The following MAP3K9 variants were observed in gnomAD, a reference collection of about 807,000 sequenced individuals.
MAP3K9 encodes mitogen-activated protein kinase kinase kinase 9, also known as mixed lineage kinase 1 (tyr and ser/thr specificity).
In MAP3K9, 46 loss-of-function variants were observed where a neutral mutation model predicts 95.8. The observed-to-expected ratio is 0.48, with a 90% CI of 0.38 to 0.61. The LOEUF is 0.61. MAP3K9 is among the 20% of genes least tolerant of loss of function. MAP3K9 has a pLI of 0.00. For missense variants in MAP3K9, 1,296 were observed against 1,474.3 expected, an observed-to-expected ratio of 0.88 and a Z score of 1.98; for synonymous variants, 533 against 593.8, an observed-to-expected ratio of 0.90 and a Z score of 1.49.
chr14:70,758,951 A>T (rs2054333610), intron 3 of MAP3K9, among the ~76,000 whole-genome samples: 1 of 152,176 alleles, frequency 6.6e-6, no homozygotes, highest in African/African-American at 2.4e-5. Context: ...AACATGGATG[A>T]ATCTTGAAAA....
intron 2 of MAP3K9, among the ~76,000 whole-genome samples, chr14:70,781,081 G>C (rs1000263497): frequency 6.6e-6 from 1 of 152,224 alleles, no homozygotes; most frequent in Non-Finnish European, 1.5e-5. Context: ...TTCCCACTGA[G>C]AGGTGGGTCT....
chr14:70,745,734 T>C (rs2054137941), intron 5 of MAP3K9, among the ~76,000 whole-genome samples: 1 of 149,070 alleles, frequency 6.7e-6, no homozygotes, highest in South Asian at 2.1e-4. Flanking sequence ...CAAGACTCTG[T>C]CTCAAAAAAA....
intron 2 of MAP3K9, among the ~76,000 whole-genome samples, chr14:70,793,452 C>CAA (rs1252417743): frequency 6.6e-6 from 1 of 151,970 alleles, no homozygotes; most frequent in Non-Finnish European, 1.5e-5. Context: ...TTTGGGAGAC[C>CAA]AAAGCAGGTG....
At position 70,729,090 on chromosome 14, in the gene MAP3K9, A is replaced by T. The variant is rs1409912365; in HGVS notation, c.*1290T>A. ...ATCCTTCCTACTCAGCTCATGGTCCAGAGCCCAGCATGAGGGGCTACCTGT... is the reference window on the plus strand; with the variant it reads ...ATCCTTCCTACTCAGCTCATGGTCCTGAGCCCAGCATGAGGGGCTACCTGT... On this transcript the variant is annotated 3_prime_UTR_variant, in exon 12 of 12. Coordinates refer to ENST00000554752, the MANE Select transcript of MAP3K9 (RefSeq NM_001284230.2). The T allele has an allele frequency of 6.6e-6, 1 of 152,288 alleles. No individual in the cohort carries two copies. The highest frequency in any genetic ancestry group is 2.4e-5 in the African/African-American group (1 of 41,468). The allele number at this position is 152,288 out of a possible 1,614,324, so 9.4% of individuals were successfully genotyped here. A position where few individuals can be genotyped will look rare whatever the true frequency, so the allele number is the denominator to read the frequency against.
chr14:70,739,216 G>A (rs1308299591), intron 7 of MAP3K9, among the ~76,000 whole-genome samples: 6 of 152,206 alleles, frequency 3.9e-5, no homozygotes, highest in South Asian at 2.1e-4. Context: ...TGCAACCTCC[G>A]CCTCCTGCAT....
At chr14:70,797,779 A>G (rs990146295) in intron 2 of MAP3K9, among the ~76,000 whole-genome samples, 6 of 152,298 alleles carry the variant, frequency 3.9e-5, no homozygotes, top group East Asian at 3.9e-4. Context: ...TCATGTACAC[A>G]TTGCAATGGA....
rs564533151 is a variant in MAP3K9 at position 70,728,638 on chromosome 14, T to C, written c.*1742A>G. 1 of 152,370 alleles carries C rather than the reference T, an allele frequency of 6.6e-6. No homozygotes were observed. The highest frequency in any genetic ancestry group is 2.1e-4 in the South Asian group (1 of 4,822). 9.4% of individuals were successfully genotyped at this position (152,370 alleles called of 1,614,324 possible). ...CTTGGGCAATAAAACCAGTAGCGCC[T>C]TCCCGTCCAAGACTTGGTGGGCCCC... On this transcript the variant is annotated 3_prime_UTR_variant, in exon 12 of 12. Coordinates refer to ENST00000554752, the MANE Select transcript of MAP3K9 (RefSeq NM_001284230.2).
At chr14:70,738,942 A>T (rs2054025499) in intron 7 of MAP3K9, among the ~76,000 whole-genome samples, 1 of 152,224 alleles carries the variant, frequency 6.6e-6, no homozygotes. Context: ...GCAAGGGTTG[A>T]GACCCAAATG....
intron 2 of MAP3K9, among the ~76,000 whole-genome samples, chr14:70,776,086 G>T (rs553224664): frequency 2.2e-4 from 34 of 152,344 alleles, no homozygotes; most frequent in Middle Eastern, 3.4e-3. Flanking sequence ...CTTCTCGGGA[G>T]GCTGAGGCAG....
At chr14:70,749,088 C>A in intron 4 of MAP3K9, 84 bp from the exon 5 acceptor site, 1 of 1,305,728 alleles carries the variant, frequency 7.7e-7, no homozygotes, top group South Asian at 1.5e-5. Flanking sequence ...GGCCTCACTT[C>A]CCAGAAAACT....
At chr14:70,746,821 C>G (rs754805087) in intron 5 of MAP3K9, among the ~76,000 whole-genome samples, 7 of 152,158 alleles carry the variant, frequency 4.6e-5, no homozygotes, top group Non-Finnish European at 8.8e-5. Context: ...TTCTTACTGG[C>G]TGGTACCCTT....
At chr14:70,756,737 T>C (rs538742997) in intron 3 of MAP3K9, among the ~76,000 whole-genome samples, 1 of 152,228 alleles carries the variant, frequency 6.6e-6, no homozygotes, top group Non-Finnish European at 1.5e-5. Flanking sequence ...TAAAAGAACC[T>C]AGGTTCCTAA....
chr14:70,739,758 A>G (rs2054041439), intron 7 of MAP3K9: 1 of 854,480 alleles, frequency 1.2e-6, no homozygotes, highest in African/African-American at 1.7e-5. Context: ...ATCACACACC[A>G]GTTTCTAAAT....
intron 2 of MAP3K9, among the ~76,000 whole-genome samples, chr14:70,776,667 C>T (rs778519889): frequency 6.0e-4 from 92 of 152,196 alleles, no homozygotes; most frequent in Non-Finnish European, 2.4e-4. Context: ...ATATATTTGG[C>T]GCTAGCAGTA....
chr14:70,793,116 T>C (rs2054824225), intron 2 of MAP3K9, among the ~76,000 whole-genome samples: 1 of 152,000 alleles, frequency 6.6e-6, no homozygotes, highest in East Asian at 1.9e-4. Flanking sequence ...AGTACTGAGG[T>C]TGGACAGAAC....
chr14:70,778,472 C>T (rs1366881611), intron 2 of MAP3K9, among the ~76,000 whole-genome samples: 2 of 152,200 alleles, frequency 1.3e-5, no homozygotes, highest in Admixed American at 1.3e-4. Context: ...GACGGGGTTT[C>T]GCCATGTTGG....
chr14:70,753,259 A>G (rs1483338273), intron 3 of MAP3K9, among the ~76,000 whole-genome samples: 2 of 152,176 alleles, frequency 1.3e-5, no homozygotes, highest in Non-Finnish European at 1.5e-5. Context: ...GGTTTCTCCA[A>G]AAGGGCCTGA....
Position 70,726,942 on chromosome 14 carries a change from A to C in MAP3K9, c.*3438T>G, listed in dbSNP as rs1318232081. 6.6e-6 allele frequency: 1 copy of C among 152,298 alleles called. No homozygotes were observed. The highest frequency in any genetic ancestry group is 1.9e-4 in the East Asian group (1 of 5,198). The allele number at this position is 152,298 out of a possible 1,614,324, so 9.4% of individuals were successfully genotyped here. ...AAATCTGAGAGGGGCTAAAGAGACA[A>C]GCCTATGGCCACACAGCAAAAGCAG... On this transcript the variant is annotated 3_prime_UTR_variant, in exon 12 of 12. Transcript: ENST00000554752.
intron 11 of MAP3K9, 120 bp from the exon 12 acceptor site, chr14:70,730,984 A>C: frequency 8.7e-7 from 1 of 1,152,926 alleles, no homozygotes; most frequent in Non-Finnish European, 1.2e-6. Context: ...TGAATCACCA[A>C]ATGTTTGTGG....
Sources: allele counts gnomAD v4.1 joint callset (sites outside exome capture counted in the v4.1 genomes callset), GRCh38; gene constraint gnomAD v4.1.1; transcripts MANE v1.5; gene names NCBI Gene and HGNC (gene_info 2026-07-23, HGNC 2026-07-21).